Variants in TRIM2 observed in about 807,000 individuals in gnomAD.
TRIM2 encodes tripartite motif containing 2.
A neutral mutation model predicts 75.2 loss-of-function variants in TRIM2; 20 were observed. That is an observed-to-expected ratio of 0.27 (90% CI 0.19 to 0.39). The LOEUF (loss-of-function observed/expected upper bound fraction) is 0.39, where lower values mean the gene tolerates loss of function less well. TRIM2 is among the 10% of genes least tolerant of loss of function. TRIM2 has a pLI of 1.00. For synonymous variants in TRIM2, 373 were observed against 388.3 expected (o/e 0.96, Z 0.46); for missense variants, 660 against 990.8 (o/e 0.67, Z 4.48).
Position 153,292,977 on chromosome 4 carries a change from C to G in TRIM2, c.454-5C>G. The G allele has an allele frequency of 6.2e-7, 1 of 1,603,824 alleles. No homozygotes were observed. Among genetic ancestry groups the G allele is most frequent in the Non-Finnish European group, 8.5e-7 (1 of 1,173,620 alleles). ...AACCAGGAACTTTTCTTGTGTCATC[C>G]ACAGGTGATGGAATTTTACTGCCAG... On this transcript the variant is annotated splice_region_variant and splice_polypyrimidine_tract_variant and intron_variant, in intron 3 of 11. Coordinates refer to ENST00000338700, the MANE Select transcript of TRIM2 (RefSeq NM_015271.5).
At chr4:153,205,191 C>T (rs1379806369) in intron 1 of TRIM2, among the ~76,000 whole-genome samples, 1 of 152,108 alleles carries the variant, frequency 6.6e-6, no homozygotes, top group Admixed American at 6.5e-5. Flanking sequence ...CTTGACTACC[C>T]AAGTGAGAAG....
At chr4:153,296,145 G>T (rs1762717788) in intron 6 of TRIM2, 109 bp downstream of exon 6, 2 of 1,356,784 alleles carry the variant, frequency 1.5e-6, no homozygotes, top group Non-Finnish European at 9.7e-7. Context: ...CTACCTGCAG[G>T]TGTTAGGAGA....
At position 153,335,144 on chromosome 4, in the gene TRIM2, T is replaced by G; in HGVS notation, c.*178T>G. On this transcript the variant is annotated 3_prime_UTR_variant, in exon 12 of 12. Transcript: ENST00000338700. Reference sequence around the variant, plus strand: ...AAAATGACTTATCCAATTTCTGTATTTCACCTTTAGGGTTAAAAAAAACTC... The same window carrying G: ...AAAATGACTTATCCAATTTCTGTATGTCACCTTTAGGGTTAAAAAAAACTC... The G allele has an allele frequency of 7.7e-7, 1 of 1,291,072 alleles. No homozygotes were observed. Among genetic ancestry groups the G allele is most frequent in the Non-Finnish European group, 9.8e-7 (1 of 1,017,472 alleles). The allele number at this position is 1,291,072 out of a possible 1,614,324, so 80.0% of individuals were successfully genotyped here. A position where few individuals can be genotyped will look rare whatever the true frequency, so the allele number is the denominator to read the frequency against.
chr4:153,305,987 T>A lies in TRIM2; in HGVS notation c.1511-9498T>A, dbSNP rs538187565. 1.4e-4 allele frequency among the ~76,000 whole-genome samples: 21 copies of A among 152,134 alleles called. No individual in the cohort carries two copies. In the South Asian group the frequency reaches 4.1e-3, roughly 30 times the overall value. On this transcript the variant is annotated intron_variant, in intron 6 of 11. Coordinates refer to ENST00000338700, the MANE Select transcript of TRIM2 (RefSeq NM_015271.5). ...CCGTCTCTACTAAAAACACAAAAATTAGCTGGGCATGGTGACGGGTGCCTG... is the reference window on the plus strand; with the variant it reads ...CCGTCTCTACTAAAAACACAAAAATAAGCTGGGCATGGTGACGGGTGCCTG...
At chr4:153,221,574 T>G (rs193141982) in intron 1 of TRIM2, among the ~76,000 whole-genome samples, 31 of 152,188 alleles carry the variant, frequency 2.0e-4, no homozygotes, top group African/African-American at 5.8e-4. Context: ...CCTCCCCACC[T>G]TCCCCTCTGC....
chr4:153,322,214 C>G (rs1482715261), intron 8 of TRIM2, among the ~76,000 whole-genome samples: 1 of 152,006 alleles, frequency 6.6e-6, no homozygotes, highest in Non-Finnish European at 1.5e-5. Context: ...TCAAGACGAG[C>G]CTGGCCAACA....
At chr4:153,239,832 C>CTTTTTTTTTTTTTT (rs142457664) in intron 1 of TRIM2, among the ~76,000 whole-genome samples, 2 of 139,446 alleles carry the variant, frequency 1.4e-5, no homozygotes, top group Non-Finnish European at 1.6e-5. Flanking sequence ...AACTTTCTTT[C>CTTTTTTTTTTTTTT]TCTTTTTTTT....
chr4:153,292,992 T>C lies in TRIM2; in HGVS notation c.464T>C (p.Phe155Ser). The C allele has an allele frequency of 6.2e-7, 1 of 1,608,902 alleles. No homozygotes were observed. The highest frequency in any genetic ancestry group is 1.7e-4 in the Middle Eastern group (1 of 6,042). The change falls in exon 4 of 12, where the codon TTT becomes TCT. Residue 155 changes from phenylalanine to serine, a missense_variant. Physicochemically the swap from Phe to Ser is radical, Grantham distance 155. This residue lies in a region of TRIM2 where 620 missense variants were observed against 891.0 expected (regional missense o/e 0.70). Transcript: ENST00000338700. ...CPNHDGNVME[F>S]YCQSCETAMC... Reference sequence around the variant, plus strand: ...TTGTGTCATCCACAGGTGATGGAATTTTACTGCCAGTCCTGTGAGACTGCC... The same window carrying C: ...TTGTGTCATCCACAGGTGATGGAATCTTACTGCCAGTCCTGTGAGACTGCC...
chr4:153,321,308 C>A (rs974696469), intron 8 of TRIM2, among the ~76,000 whole-genome samples: 1 of 152,164 alleles, frequency 6.6e-6, no homozygotes, highest in African/African-American at 2.4e-5. Flanking sequence ...ATAGTGGGTG[C>A]TTGGGCAGTG....
intron 1 of TRIM2, among the ~76,000 whole-genome samples, chr4:153,225,079 G>C (rs1741748409): frequency 6.6e-6 from 1 of 152,188 alleles, no homozygotes; most frequent in Non-Finnish European, 1.5e-5. Flanking sequence ...ATTCAATGAT[G>C]ATAACTCAAC....
chr4:153,177,707 C>CTCCTTCCTCCCT (rs1731594079), intron 1 of TRIM2, among the ~76,000 whole-genome samples: 1 of 133,886 alleles, frequency 7.5e-6, no homozygotes, highest in East Asian at 2.2e-4. Context: ...TGGTGGCTCG[C>CTCCTTCCTCCCT]TCCTTCCTTC....
chr4:153,239,991 G>A (rs1459928267), intron 1 of TRIM2, among the ~76,000 whole-genome samples: 2 of 151,824 alleles, frequency 1.3e-5, no homozygotes, highest in East Asian at 1.9e-4. Context: ...CGCGCCACAC[G>A]CCCAGCTAAT....
chr4:153,288,121 T>C (rs1431268430), intron 3 of TRIM2, among the ~76,000 whole-genome samples: 1 of 152,160 alleles, frequency 6.6e-6, no homozygotes, highest in African/African-American at 2.4e-5. Flanking sequence ...GCCTCTATAG[T>C]TTCTGATGAG....
At chr4:153,300,303 T>TA (rs1264867084) in intron 6 of TRIM2, among the ~76,000 whole-genome samples, 2 of 151,892 alleles carry the variant, frequency 1.3e-5, no homozygotes, top group African/African-American at 4.8e-5. Context: ...CAGGCTGGAG[T>TA]ACAATGGCGA....
chr4:153,171,496 G>A (rs1344795516), intron 1 of TRIM2, among the ~76,000 whole-genome samples: 1 of 152,206 alleles, frequency 6.6e-6, no homozygotes, highest in Non-Finnish European at 1.5e-5. Flanking sequence ...TGAGGCAGAA[G>A]AATCACTTGA....
intron 11 of TRIM2, among the ~76,000 whole-genome samples, chr4:153,333,714 T>C (rs1214977587): frequency 6.6e-6 from 1 of 151,928 alleles, no homozygotes; most frequent in East Asian, 1.9e-4. Flanking sequence ...ATCAAAAATT[T>C]CAGGAAAAAT....
chr4:153,319,308 T>C (rs1265608379), intron 8 of TRIM2, among the ~76,000 whole-genome samples: 2 of 152,230 alleles, frequency 1.3e-5, no homozygotes, highest in Non-Finnish European at 2.9e-5. Context: ...AAACCTTTTC[T>C]ATCCAAACAA....
intron 8 of TRIM2, among the ~76,000 whole-genome samples, chr4:153,320,876 C>T (rs1318982288): frequency 6.6e-6 from 1 of 152,198 alleles, no homozygotes. Flanking sequence ...AAGTTATCCA[C>T]CCACCTCGGC....
chr4:153,189,533 G>A (rs973026866), intron 1 of TRIM2, among the ~76,000 whole-genome samples: 40 of 152,142 alleles, frequency 2.6e-4, no homozygotes, highest in African/African-American at 8.2e-4. Context: ...CTAGAATGGG[G>A]ATTATGGTGT....
Sources: gnomAD v4.1 joint callset for allele counts (sites outside exome capture counted in the v4.1 genomes callset) on GRCh38, gnomAD v4.1.1 for gene constraint, gnomAD v4.1.1 regional missense constraint, MANE v1.5 for transcripts, NCBI Gene and HGNC (gene_info 2026-07-23, HGNC 2026-07-21) for gene names.